Variants in PTPRE observed in about 807,000 individuals in gnomAD.
PTPRE encodes protein tyrosine phosphatase receptor type E, also known as receptor-type tyrosine-protein phosphatase epsilon.
Under a neutral mutation model 102.0 loss-of-function variants are expected in PTPRE, and 51 were observed. The observed-to-expected ratio is 0.50, with a 90% CI of 0.40 to 0.63. The LOEUF (loss-of-function observed/expected upper bound fraction) is 0.63. Among genes scored for constraint, PTPRE ranks in the 30% least tolerant of loss-of-function variants. The probability of loss-of-function intolerance (pLI) is 0.00; values close to 1 mark genes in which losing one functional copy is unlikely to be tolerated. For missense variants in PTPRE, 752 were observed against 915.1 expected (o/e 0.82, Z 2.30); for synonymous variants, 345 against 348.2 (o/e 0.99, Z 0.10).
intron 6 of PTPRE, among the ~76,000 whole-genome samples, chr10:128,050,560 C>T (rs1848495103): frequency 6.6e-6 from 1 of 152,160 alleles, no homozygotes. Flanking sequence ...CAGTATTTAT[C>T]CTTGGTCGTG....
At chr10:128,010,356 G>A (rs1844876135) in intron 2 of PTPRE, among the ~76,000 whole-genome samples, 1 of 152,148 alleles carries the variant, frequency 6.6e-6, no homozygotes, top group African/African-American at 2.4e-5. Flanking sequence ...AGCTTGGCTT[G>A]GGGAATTGAA....
rs139241747 is a variant in PTPRE, at chr10:128,077,072, G to T, written c.1725+344G>T. ...CCCCAACTGTCCCCATTTCCACTGG[G>T]TCCTTGGTTCTGCTCATCCTCTCTC... On this transcript the variant is annotated intron_variant, in intron 18 of 20. Coordinates refer to ENST00000254667, the MANE Select transcript of PTPRE (RefSeq NM_006504.6). Among the ~76,000 whole-genome samples, 1,404 of 152,266 alleles carry T rather than the reference G, an allele frequency of 9.2e-3. 10 individuals are homozygous for T. Among genetic ancestry groups the T allele is most frequent in the Non-Finnish European group, 0.016 (1,101 of 68,014 alleles).
At chr10:128,004,026 C>T (rs1854255905) in intron 2 of PTPRE, among the ~76,000 whole-genome samples, 1 of 151,952 alleles carries the variant, frequency 6.6e-6, no homozygotes, top group South Asian at 2.1e-4. Context: ...CCTCAGTTTC[C>T]TTCTCTGTAA....
intron 2 of PTPRE, among the ~76,000 whole-genome samples, chr10:128,036,721 A>ACTCC (rs1475508821): frequency 6.6e-6 from 1 of 151,468 alleles, no homozygotes. Context: ...ATCCTTCTAA[A>ACTCC]CTCCCTCCCT....
At chr10:128,015,267 G>T (rs1845322756) in intron 2 of PTPRE, among the ~76,000 whole-genome samples, 1 of 152,184 alleles carries the variant, frequency 6.6e-6, no homozygotes, top group African/African-American at 2.4e-5. Flanking sequence ...AATGGGGCCG[G>T]GCCTCGTGGC....
At chr10:127,997,267 G>T (rs1853363319) in intron 2 of PTPRE, among the ~76,000 whole-genome samples, 1 of 152,164 alleles carries the variant, frequency 6.6e-6, no homozygotes, top group Admixed American at 6.5e-5. Context: ...CCACTAACTG[G>T]CCCTGAACAC....
In PTPRE at chr10:128,077,643, C is replaced by A; in HGVS notation, c.1752C>A (p.Val584=). Residue 584 remains valine (V), a synonymous_variant, in exon 19 of 21, where the codon GTC becomes GTA. Coordinates refer to ENST00000254667, the MANE Select transcript of PTPRE (RefSeq NM_006504.6). ...CCCAGGCCCGCCAGGAGGAGCAGGTCCGAGTAGTGCGCCAGTTTCACTTCC... is the reference window on the plus strand; with the variant it reads ...CCCAGGCCCGCCAGGAGGAGCAGGTACGAGTAGTGCGCCAGTTTCACTTCC... The part of the protein sequence containing the change: ...NQPQARQEEQ[V]RVVRQFHFHG... 6.2e-7 allele frequency: 1 copy of A among 1,613,086 alleles called. No individual in the cohort carries two copies. Among genetic ancestry groups the A allele is most frequent in the Non-Finnish European group, 8.5e-7 (1 of 1,179,340 alleles).
chr10:127,968,204 G>T (rs1312431392), intron 1 of PTPRE, among the ~76,000 whole-genome samples: 1 of 152,188 alleles, frequency 6.6e-6, no homozygotes, highest in Non-Finnish European at 1.5e-5. Flanking sequence ...AGGGTAATTT[G>T]GTTCCTATGT....
intron 17 of PTPRE, among the ~76,000 whole-genome samples, chr10:128,073,861 A>G (rs570422447): frequency 3.3e-5 from 5 of 152,348 alleles, no homozygotes; most frequent in African/African-American, 1.2e-4. Flanking sequence ...CTCCCCCAAG[A>G]CATAACTACT....
chr10:128,076,602 G>C lies in PTPRE; in HGVS notation c.1600-1G>C. The C allele has an allele frequency of 6.3e-7, 1 of 1,584,352 alleles. No homozygotes were observed. ...CTTAAATTTTTATTTTATCCCCTAA[G>C]GATAAATGCTACCAGTATTGGCCAA... is the stretch of plus-strand genomic sequence containing the variant. On this transcript the variant is annotated splice_acceptor_variant, in intron 17 of 20. Coordinates refer to ENST00000254667, the MANE Select transcript of PTPRE (RefSeq NM_006504.6). LOFTEE classifies it high-confidence loss of function.
chr10:128,045,142 T>C (rs1847987256), intron 3 of PTPRE, among the ~76,000 whole-genome samples: 3 of 152,196 alleles, frequency 2.0e-5, no homozygotes. Flanking sequence ...TGAACAGAGG[T>C]AGCTACTAAG....
chr10:128,065,212 T>C (rs1849974205), intron 10 of PTPRE, among the ~76,000 whole-genome samples: 1 of 152,244 alleles, frequency 6.6e-6, no homozygotes, highest in Non-Finnish European at 1.5e-5. Flanking sequence ...TGCTGTTTGT[T>C]TCATAAGACT....
chr10:127,989,018 A>T (rs1852377260), intron 2 of PTPRE, among the ~76,000 whole-genome samples: 1 of 152,178 alleles, frequency 6.6e-6, no homozygotes. Flanking sequence ...ATTTGTGTTT[A>T]TTTTATGATG....
chr10:127,987,326 C>T (rs1231451375), intron 2 of PTPRE: 1 of 1,267,048 alleles, frequency 7.9e-7, no homozygotes, highest in Non-Finnish European at 1.0e-6. Context: ...AATCCTTTCT[C>T]AGCTGTCAGG....
At chr10:127,910,729 G>A (rs1405077896) in intron 1 of PTPRE, among the ~76,000 whole-genome samples, 15 of 152,200 alleles carry the variant, frequency 9.9e-5, no homozygotes, top group Admixed American at 9.8e-4. Context: ...CTGGTATGCA[G>A]TAAACTGTGG....
intron 3 of PTPRE, among the ~76,000 whole-genome samples, chr10:128,044,114 G>T (rs1172502017): frequency 6.6e-6 from 1 of 152,176 alleles, no homozygotes; most frequent in Admixed American, 6.5e-5. Flanking sequence ...AGAAGAAAAT[G>T]TCAGGAAAGA....
rs1156318065 is a variant in PTPRE, at chr10:127,988,680, G to T, written c.-8+6384G>T. Reference sequence around the variant, plus strand: ...AACAGATGCGGGGAACTCCAAAAGGGAAGAGGGAGGGAGGAGAGCAAGGGT... The same window carrying T: ...AACAGATGCGGGGAACTCCAAAAGGTAAGAGGGAGGGAGGAGAGCAAGGGT... On this transcript the variant is annotated intron_variant, in intron 2 of 20. Transcript: ENST00000254667. Among the ~76,000 whole-genome samples the T allele has an allele frequency of 2.0e-5, 3 of 152,178 alleles. No homozygotes were observed. In the East Asian group the frequency reaches 5.8e-4, roughly 29 times the overall value.
chr10:128,027,766 A>G (rs1564899395), intron 2 of PTPRE, among the ~76,000 whole-genome samples: 1 of 152,228 alleles, frequency 6.6e-6, no homozygotes, highest in Non-Finnish European at 1.5e-5. Context: ...GAAAGGGGAT[A>G]ATCCTTGGTC....
chr10:127,978,406 C>T (rs954402182), intron 1 of PTPRE, among the ~76,000 whole-genome samples: 2 of 151,932 alleles, frequency 1.3e-5, no homozygotes, highest in South Asian at 2.1e-4. Context: ...GACATGGTGG[C>T]GCACACCTGT....
Sources: gnomAD v4.1 joint callset for allele counts (sites outside exome capture counted in the v4.1 genomes callset) on GRCh38, gnomAD v4.1.1 for gene constraint, MANE v1.5 for transcripts, NCBI Gene and HGNC (gene_info 2026-07-23, HGNC 2026-07-21) for gene names.